PTPRD: variants seen among roughly 807,000 people sequenced by gnomAD.
PTPRD encodes receptor-type tyrosine-protein phosphatase delta.
In PTPRD, 34 loss-of-function variants were observed where a neutral mutation model predicts 214.5. The observed-to-expected ratio is 0.16, with a 90% CI of 0.12 to 0.21. The LOEUF is 0.21. Ranked by LOEUF, PTPRD falls within the 10% of genes least tolerant of loss-of-function variation. PTPRD has a pLI of 1.00. For synonymous variants in PTPRD, 1,128 were observed against 845.7 expected, an observed-to-expected ratio of 1.33 and a Z score of -5.79; for missense variants, 2,545 against 2,398.7, an observed-to-expected ratio of 1.06 and a Z score of -1.27.
At chr9:9,620,666 A>G (rs1326126661) in intron 7 of PTPRD, among the ~76,000 whole-genome samples, 1 of 151,628 alleles carries the variant, frequency 6.6e-6, no homozygotes, top group Non-Finnish European at 1.5e-5. Flanking sequence ...CATTGAGATA[A>G]CTCTTTTTCA....
Position 8,338,917 on chromosome 9 carries a change from C to G in PTPRD, c.5379+5G>C, listed in dbSNP as rs377295486. 1 of 1,603,634 alleles carries G rather than the reference C, an allele frequency of 6.2e-7. No homozygotes were observed. The highest frequency in any genetic ancestry group is 8.5e-7 in the Non-Finnish European group (1 of 1,173,470). On this transcript the variant is annotated splice_donor_5th_base_variant and intron_variant, in intron 43 of 45. Transcript: ENST00000381196. ...GGTTAAGAGTTGAAGACTGTGCCAACTTACCCTGGCATCTGTGACCTTGAA... is the reference window on the plus strand; with the variant it reads ...GGTTAAGAGTTGAAGACTGTGCCAAGTTACCCTGGCATCTGTGACCTTGAA...
chr9:9,060,515 G>T (rs1429654408), intron 10 of PTPRD, among the ~76,000 whole-genome samples: 1 of 152,020 alleles, frequency 6.6e-6, no homozygotes, highest in Non-Finnish European at 1.5e-5. Context: ...TACTAATTAT[G>T]TTGTAGTAAT....
At chr9:10,573,019 G>C (rs1591241513) in intron 2 of PTPRD, among the ~76,000 whole-genome samples, 1 of 152,166 alleles carries the variant, frequency 6.6e-6, no homozygotes, top group African/African-American at 2.4e-5. Context: ...TTCCAGATGG[G>C]AAAGTGATTG....
At chr9:9,831,602 A>G (rs988568741) in intron 5 of PTPRD, among the ~76,000 whole-genome samples, 2 of 151,960 alleles carry the variant, frequency 1.3e-5, no homozygotes, top group African/African-American at 4.8e-5. Context: ...AAAGTCAGTA[A>G]TCCACATGCT....
At chr9:9,801,412 T>C (rs1039155832) in intron 5 of PTPRD, among the ~76,000 whole-genome samples, 1 of 152,050 alleles carries the variant, frequency 6.6e-6, no homozygotes, top group Non-Finnish European at 1.5e-5. Context: ...GGGATTTTCC[T>C]TTTGTCAAAG....
intron 3 of PTPRD, among the ~76,000 whole-genome samples, chr9:10,200,483 CA>C (rs575140625): frequency 6.6e-6 from 1 of 152,066 alleles, no homozygotes; most frequent in African/African-American, 2.4e-5. Context: ...TTATCTAGGC[CA>C]AAATATTAAT....
At chr9:8,755,390 A>C (rs2154470451) in intron 11 of PTPRD, among the ~76,000 whole-genome samples, 1 of 152,058 alleles carries the variant, frequency 6.6e-6, no homozygotes, top group Non-Finnish European at 1.5e-5. Context: ...TTAGCCGAGC[A>C]TGGCGGTGCA....
At chr9:9,952,152 G>A (rs2093514595) in intron 4 of PTPRD, among the ~76,000 whole-genome samples, 1 of 152,136 alleles carries the variant, frequency 6.6e-6, no homozygotes, top group Admixed American at 6.6e-5. Context: ...GGAGAGTCTA[G>A]AGGACACAAT....
intron 11 of PTPRD, among the ~76,000 whole-genome samples, chr9:8,910,327 G>A (rs72706206): frequency 0.15 from 23,168 of 151,992 alleles, 2,001 homozygotes; most frequent in East Asian, 0.28. Flanking sequence ...GTGAGCCACC[G>A]CACCTGGCCT....
At chr9:8,965,456 T>C (rs1164757645) in intron 11 of PTPRD, among the ~76,000 whole-genome samples, 1 of 152,108 alleles carries the variant, frequency 6.6e-6, no homozygotes, top group Non-Finnish European at 1.5e-5. Flanking sequence ...CCCACTTTTA[T>C]TGTGTGGCTA....
At chr9:9,596,510 A>C (rs2093362914) in intron 7 of PTPRD, among the ~76,000 whole-genome samples, 1 of 151,998 alleles carries the variant, frequency 6.6e-6, no homozygotes, top group Non-Finnish European at 1.5e-5. Context: ...AAATATTTTT[A>C]ATCCATCACT....
intron 10 of PTPRD, among the ~76,000 whole-genome samples, chr9:9,116,697 G>A (rs1412392412): frequency 6.6e-6 from 1 of 151,406 alleles, no homozygotes; most frequent in Non-Finnish European, 1.5e-5. Flanking sequence ...GGGGGGGAAG[G>A]GAAAGAGATG....
intron 10 of PTPRD, among the ~76,000 whole-genome samples, chr9:9,151,727 C>A (rs1249107603): frequency 2.0e-5 from 3 of 152,084 alleles, no homozygotes; most frequent in Non-Finnish European, 4.4e-5. Flanking sequence ...AGTTCATCAG[C>A]AAGATGGCAC....
chr9:10,293,834 G>C (rs974688010), intron 3 of PTPRD, among the ~76,000 whole-genome samples: 1 of 151,958 alleles, frequency 6.6e-6, no homozygotes, highest in Non-Finnish European at 1.5e-5. Context: ...GGTGAGACAT[G>C]GAGTTAGATA....
chr9:8,805,595 T>TTTA (rs1191743130), intron 11 of PTPRD, among the ~76,000 whole-genome samples: 2 of 151,728 alleles, frequency 1.3e-5, no homozygotes, highest in African/African-American at 2.4e-5. Flanking sequence ...ATTTTTATTT[T>TTTA]TTATTATTAT....
At chr9:8,969,723 T>A (rs1241280209) in intron 11 of PTPRD, among the ~76,000 whole-genome samples, 5 of 151,936 alleles carry the variant, frequency 3.3e-5, no homozygotes, top group Non-Finnish European at 7.4e-5. Context: ...TAAATAAAAC[T>A]GACCAATATT....
Position 10,300,195 on chromosome 9 carries a change from G to A in PTPRD, c.-545+40768C>T, listed in dbSNP as rs546449602. 4.6e-5 allele frequency among the ~76,000 whole-genome samples: 7 copies of A among 152,314 alleles called. No individual in the cohort carries two copies. The East Asian group carries it at 1.3e-3, about 29-fold the overall frequency. ...TAAAATTCACGTAGTATAGTTTATA[G>A]TTAAAATTCTAATGGGAAGATTTGC... On this transcript the variant is annotated intron_variant, in intron 3 of 45. Transcript: ENST00000381196.
intron 3 of PTPRD, among the ~76,000 whole-genome samples, chr9:10,254,788 T>G (rs1170497470): frequency 6.6e-6 from 1 of 152,174 alleles, no homozygotes; most frequent in Non-Finnish European, 1.5e-5. Flanking sequence ...TGGACAGAAT[T>G]TCTATAAGCT....
intron 7 of PTPRD, among the ~76,000 whole-genome samples, chr9:9,610,168 T>C (rs138996707): frequency 6.6e-6 from 1 of 152,268 alleles, no homozygotes; most frequent in East Asian, 1.9e-4. Flanking sequence ...GAAAGGCTTT[T>C]ATAATGTAGC....
Sources: gnomAD v4.1 joint callset for allele counts (sites outside exome capture counted in the v4.1 genomes callset) on GRCh38, gnomAD v4.1.1 for gene constraint, MANE v1.5 for transcripts, NCBI Gene and HGNC (gene_info 2026-07-23, HGNC 2026-07-21) for gene names.